Variants in RNF24 observed in about 807,000 individuals in gnomAD.
The protein encoded by RNF24 is ring finger protein 24.
RNF24 carries 14 observed loss-of-function variants against 20.0 expected under a neutral mutation model. The observed-to-expected ratio is 0.70, with a 90% CI of 0.46 to 1.10. The LOEUF (loss-of-function observed/expected upper bound fraction) is 1.10, where lower values mean the gene tolerates loss of function less well. RNF24 is among the 50% of genes least tolerant of loss of function. RNF24 has a pLI of 0.00. For missense variants in RNF24, 124 were observed against 177.6 expected (o/e 0.70, Z 1.71); for synonymous variants, 45 against 61.1 (o/e 0.74, Z 1.23).
chr20:3,986,215 TCTTCCTTCCCTTTCCTC>T (rs1230921025), intron 1 of RNF24, among the ~76,000 whole-genome samples: 1 of 152,160 alleles, frequency 6.6e-6, no homozygotes, highest in Non-Finnish European at 1.5e-5. Context: ...TTCTTTTCTT[TCTTCCTTCCCTTTCCTC>T]CTTCCTTCCT....
At chr20:3,940,916 T>C (rs774586938) in intron 4 of RNF24, among the ~76,000 whole-genome samples, 14 of 152,148 alleles carry the variant, frequency 9.2e-5, no homozygotes, top group Non-Finnish European at 1.8e-4. Context: ...GGAAAGTTCA[T>C]TATGAAGATA....
intron 1 of RNF24, among the ~76,000 whole-genome samples, chr20:3,979,772 A>G (rs1436614812): frequency 1.3e-5 from 2 of 152,216 alleles, no homozygotes; most frequent in African/African-American, 2.4e-5. Context: ...ACATTGTGGG[A>G]AAAAAATCTC....
Position 3,934,056 on chromosome 20 carries a change from C to T in RNF24, c.*7G>A, listed in dbSNP as rs1326389772. The T allele has an allele frequency of 1.1e-5, 16 of 1,455,804 alleles. No homozygotes were observed. The highest frequency in any genetic ancestry group is 8.8e-5 in the African/African-American group (6 of 67,872). 90.2% of individuals were successfully genotyped at this position (1,455,804 alleles called of 1,614,324 possible). A position where few individuals can be genotyped will look rare whatever the true frequency, so the allele number is the denominator to read the frequency against. ...GTGTCCAGCAACAGTCTGATCCTTG[C>T]GGTAAGCTATACAATGTTCTCTGCC... On this transcript the variant is annotated 3_prime_UTR_variant, in exon 6 of 6. Transcript: ENST00000358395. This position sits in a 1 kb window ranked among gnomAD's most constrained non-coding sequence, Gnocchi z 4.0.
chr20:3,968,896 A>G (rs1027953355), intron 1 of RNF24, among the ~76,000 whole-genome samples: 10 of 152,078 alleles, frequency 6.6e-5, no homozygotes, highest in South Asian at 2.1e-4. Context: ...AAAAACTGTG[A>G]TAAGTTTCCA....
rs1419263301 is a variant in RNF24 at position 3,972,877 on chromosome 20, T to C, written c.-7-8853A>G. On this transcript the variant is annotated intron_variant, in intron 1 of 5. Coordinates refer to ENST00000358395, the MANE Select transcript of RNF24 (RefSeq NM_001134337.3). Reference sequence around the variant, plus strand: ...GAGATCGCGCCACTGCACTCCAACGTGGGCGACAGAGTGAGACTCCGTCTC... The same window carrying C: ...GAGATCGCGCCACTGCACTCCAACGCGGGCGACAGAGTGAGACTCCGTCTC... 3.4e-5 allele frequency among the ~76,000 whole-genome samples: 5 copies of C among 148,782 alleles called. No individual in the cohort carries two copies. In the East Asian group the frequency reaches 9.9e-4, roughly 30 times the overall value.
intron 1 of RNF24, among the ~76,000 whole-genome samples, chr20:4,009,812 A>G (rs1413979152): frequency 6.6e-6 from 1 of 151,304 alleles, no homozygotes; most frequent in Non-Finnish European, 1.5e-5. Flanking sequence ...CAAATGAATG[A>G]TAAAGCAGCT....
chr20:3,946,622 C>T (rs775537131), intron 3 of RNF24, among the ~76,000 whole-genome samples: 6 of 150,592 alleles, frequency 4.0e-5, no homozygotes, highest in Non-Finnish European at 7.4e-5. Flanking sequence ...TCACCTGAGC[C>T]CAGGGAGGTC....
chr20:3,972,893 A>G (rs1263078104), intron 1 of RNF24, among the ~76,000 whole-genome samples: 1 of 145,460 alleles, frequency 6.9e-6, no homozygotes, highest in Non-Finnish European at 1.5e-5. Context: ...ACAGAGTGAG[A>G]CTCCGTCTCA....
intron 1 of RNF24, among the ~76,000 whole-genome samples, chr20:3,992,524 C>CT (rs35424913): frequency 0.13 from 19,338 of 143,836 alleles, 1,337 homozygotes; most frequent in South Asian, 0.24. Flanking sequence ...AGTATTTTGT[C>CT]TTTTTTTTTT....
At chr20:3,995,346 T>A (rs1297855113) in intron 1 of RNF24, among the ~76,000 whole-genome samples, 1 of 152,208 alleles carries the variant, frequency 6.6e-6, no homozygotes, top group Non-Finnish European at 1.5e-5. Flanking sequence ...TCTACATCTT[T>A]GAGCCTGAAC....
At chr20:3,996,772 T>C (rs943102016) in intron 1 of RNF24, among the ~76,000 whole-genome samples, 4 of 152,160 alleles carry the variant, frequency 2.6e-5, no homozygotes, top group African/African-American at 9.7e-5. Context: ...CTCCATCCTG[T>C]ACCTGCAATA....
chr20:4,005,266 T>C (rs1981773021), intron 1 of RNF24, among the ~76,000 whole-genome samples: 1 of 152,216 alleles, frequency 6.6e-6, no homozygotes, highest in African/African-American at 2.4e-5. Context: ...AAAAGCTTTT[T>C]AGTGTAGGTT....
At chr20:4,005,797 T>C (rs1981818912) in intron 1 of RNF24, among the ~76,000 whole-genome samples, 1 of 151,790 alleles carries the variant, frequency 6.6e-6, no homozygotes, top group Admixed American at 6.6e-5. Flanking sequence ...AATCTGCACA[T>C]TTGAAAAAAA....
rs1006485696 is a variant in RNF24, at chr20:3,935,934, T to C, written c.229-861A>G. 3.1e-5 allele frequency among the ~76,000 whole-genome samples: 4 copies of C among 130,554 alleles called. No individual in the cohort carries two copies. The East Asian group carries it at 8.8e-4, about 29-fold the overall frequency. The allele number at this position is 130,554 out of a possible 152,430, so 85.6% of individuals were successfully genotyped here. A position where few individuals can be genotyped will look rare whatever the true frequency, so the allele number is the denominator to read the frequency against. On this transcript the variant is annotated intron_variant, in intron 4 of 5. Coordinates refer to ENST00000358395, the MANE Select transcript of RNF24 (RefSeq NM_001134337.3). ...GCCATTGCTTTCTCCTGCCCAGTGG[T>C]TGAACTCCTTTCTCCCTACTTGCTT... is the stretch of plus-strand genomic sequence containing the variant.
chr20:3,943,775 CTTCTG>C (rs938702232), intron 4 of RNF24, among the ~76,000 whole-genome samples: 67 of 152,288 alleles, frequency 4.4e-4, no homozygotes, highest in African/African-American at 1.5e-3. Context: ...GTAAGGAAGA[CTTCTG>C]TTCTGGATTA....
At chr20:3,955,237 A>G (rs1235525042) in intron 2 of RNF24, among the ~76,000 whole-genome samples, 1 of 152,176 alleles carries the variant, frequency 6.6e-6, no homozygotes, top group Non-Finnish European at 1.5e-5. Flanking sequence ...AGCTTTTAAT[A>G]TATTCTGGGT....
Position 3,952,702 on chromosome 20 carries a change from T to C in RNF24, c.144-4423A>G, listed in dbSNP as rs575275918. Among the ~76,000 whole-genome samples the C allele has an allele frequency of 2.0e-5, 3 of 152,212 alleles. No individual in the cohort carries two copies. In the South Asian group the frequency reaches 6.2e-4, roughly 32 times the overall value. ...TGATGTTTTCTTTAGATATTTTTTG[T>C]AGATACTCTTTCAAATTTTAGAAAG... On this transcript the variant is annotated intron_variant, in intron 2 of 5. Transcript: ENST00000358395.
At chr20:4,004,468 G>A (rs143546731) in intron 1 of RNF24, among the ~76,000 whole-genome samples, 5 of 152,090 alleles carry the variant, frequency 3.3e-5, no homozygotes, top group African/African-American at 9.6e-5. Flanking sequence ...ACAAGGAATC[G>A]GTGAATGTGA....
intron 4 of RNF24, among the ~76,000 whole-genome samples, chr20:3,944,597 G>A (rs1472197042): frequency 2.0e-5 from 3 of 152,084 alleles, no homozygotes; most frequent in Admixed American, 1.3e-4. Context: ...ACAAGAAATA[G>A]AATGAAAAAG....
Sources: allele counts gnomAD v4.1 joint callset (sites outside exome capture counted in the v4.1 genomes callset), GRCh38; gene constraint gnomAD v4.1.1; non-coding constraint Gnocchi (gnomAD v3.1); transcripts MANE v1.5; gene names NCBI Gene and HGNC (gene_info 2026-07-23, HGNC 2026-07-21).